OXR1: variants seen among roughly 807,000 people sequenced by gnomAD.
OXR1 encodes the protein oxidation resistance 1, also known as oxidation resistance protein 1.
A neutral mutation model predicts 104.6 loss-of-function variants in OXR1; 41 were observed. That is an observed-to-expected ratio of 0.39 (90% confidence interval 0.31 to 0.51). OXR1 has a LOEUF of 0.51. OXR1 is among the 20% of genes least tolerant of loss of function. OXR1 has a pLI of 0.77. For synonymous variants in OXR1, 348 were observed against 348.4 expected (o/e 1.00, Z 0.01); for missense variants, 955 against 1,031.9 (o/e 0.93, Z 1.02).
chr8:106,700,677 G>T (rs529836085), intron 7 of OXR1, among the ~76,000 whole-genome samples: 3 of 152,224 alleles, frequency 2.0e-5, no homozygotes, highest in African/African-American at 7.2e-5. Flanking sequence ...GGTATATAGA[G>T]AATTAAAAGC....
intron 3 of OXR1, among the ~76,000 whole-genome samples, chr8:106,564,496 C>T (rs1816929872): frequency 6.6e-6 from 1 of 151,912 alleles, no homozygotes; most frequent in African/African-American, 2.4e-5. Context: ...AATTAATAGC[C>T]TACCAACCAA....
At chr8:106,405,162 A>AG (rs765094364) in intron 2 of OXR1, among the ~76,000 whole-genome samples, 16,660 of 47,984 alleles carry the variant, frequency 0.35, 2,377 homozygotes, top group South Asian at 0.56. Context: ...ATATATATAT[A>AG]TATATATATA....
chr8:106,461,878 A>G (rs1207725991), intron 2 of OXR1, among the ~76,000 whole-genome samples: 2 of 152,214 alleles, frequency 1.3e-5, no homozygotes, highest in Non-Finnish European at 2.9e-5. Context: ...ATTATCATCT[A>G]TAAGAAACAT....
At position 106,504,671 on chromosome 8, in the gene OXR1, GATAA is replaced by G. The variant is rs199943233; in HGVS notation, c.24-14266_24-14263del. Among the ~76,000 whole-genome samples the G allele has an allele frequency of 7.3e-3, 1,116 of 152,258 alleles. 15 individuals carry two copies. The highest frequency in any genetic ancestry group is 0.026 in the African/African-American group (1,071 of 41,558). On this transcript the variant is annotated intron_variant, in intron 2 of 16. Transcript: ENST00000517566. ...AGATGTAAAAGCCTTCTAATCTAGA[GATAA>G]ATAAAGATTGTACTTTTTGTTATCA...
At chr8:106,370,658 T>C (rs933669313) in intron 2 of OXR1, among the ~76,000 whole-genome samples, 1 of 152,190 alleles carries the variant, frequency 6.6e-6, no homozygotes, top group African/African-American at 2.4e-5. Flanking sequence ...GAGGTAATCA[T>C]GTGATTTTGT....
intron 16 of OXR1, among the ~76,000 whole-genome samples, chr8:106,746,644 T>C (rs147022273): frequency 8.5e-5 from 13 of 152,366 alleles, no homozygotes; most frequent in Admixed American, 7.2e-4. Context: ...TATTCTATTA[T>C]TAACAAATTT....
At chr8:106,632,329 T>C (rs868484632) in intron 3 of OXR1, among the ~76,000 whole-genome samples, 9 of 152,356 alleles carry the variant, frequency 5.9e-5, no homozygotes, top group Middle Eastern at 3.4e-3. Context: ...ATATGGACAG[T>C]TTTTGGAAAA....
At chr8:106,376,921 T>A (rs1799365169) in intron 2 of OXR1, among the ~76,000 whole-genome samples, 2 of 152,210 alleles carry the variant, frequency 1.3e-5, no homozygotes, top group South Asian at 4.1e-4. Flanking sequence ...AATACAAGTA[T>A]CCCCTACATT....
At chr8:106,309,493 A>G (rs566179413) in intron 1 of OXR1, among the ~76,000 whole-genome samples, 23 of 152,246 alleles carry the variant, frequency 1.5e-4, no homozygotes, top group African/African-American at 5.1e-4. Context: ...TAGTGGACCT[A>G]TTATCAGTCA....
At chr8:106,431,927 A>G (rs1342487961) in intron 2 of OXR1, among the ~76,000 whole-genome samples, 2 of 152,200 alleles carry the variant, frequency 1.3e-5, no homozygotes, top group African/African-American at 4.8e-5. Context: ...TTTGTCTTAA[A>G]GAAATAAAAT....
At chr8:106,475,182 T>C (rs1286485242) in intron 2 of OXR1, among the ~76,000 whole-genome samples, 1 of 151,878 alleles carries the variant, frequency 6.6e-6, no homozygotes, top group Non-Finnish European at 1.5e-5. Context: ...CCCTTAAAAC[T>C]TAACTAATAG....
chr8:106,665,600 A>G (rs1826221462), intron 3 of OXR1, among the ~76,000 whole-genome samples: 1 of 152,174 alleles, frequency 6.6e-6, no homozygotes, highest in African/African-American at 2.4e-5. Context: ...GGTAGAAGAC[A>G]AGGGAAAGTA....
chr8:106,387,249 G>A (rs986293587), intron 2 of OXR1, among the ~76,000 whole-genome samples: 1 of 152,190 alleles, frequency 6.6e-6, no homozygotes, highest in Non-Finnish European at 1.5e-5. Context: ...GAAAAAGATT[G>A]CAAATATCAG....
intron 3 of OXR1, among the ~76,000 whole-genome samples, chr8:106,531,975 ACCCCTATATAAG>A (rs1338240183): frequency 6.6e-6 from 1 of 152,120 alleles, no homozygotes; most frequent in Non-Finnish European, 1.5e-5. Context: ...TTTCACCTCC[ACCCCTATATAAG>A]CCTGGGTAAA....
At chr8:106,488,508 T>C (rs1481174480) in intron 2 of OXR1, among the ~76,000 whole-genome samples, 2 of 152,196 alleles carry the variant, frequency 1.3e-5, no homozygotes, top group Non-Finnish European at 2.9e-5. Flanking sequence ...CATGGCTATG[T>C]CCTGAATGGT....
At chr8:106,638,801 G>A (rs551093774) in intron 3 of OXR1, among the ~76,000 whole-genome samples, 3 of 151,498 alleles carry the variant, frequency 2.0e-5, no homozygotes, top group African/African-American at 7.3e-5. Flanking sequence ...GCTGAGGCAG[G>A]AGAAATGCTT....
At chr8:106,329,403 A>G (rs1238691045) in intron 1 of OXR1, among the ~76,000 whole-genome samples, 3 of 147,398 alleles carry the variant, frequency 2.0e-5, no homozygotes, top group Non-Finnish European at 3.0e-5. Context: ...GCTGGAGTGC[A>G]GTGGTGTGAT....
intron 11 of OXR1, among the ~76,000 whole-genome samples, chr8:106,723,307 C>T (rs1023420909): frequency 6.6e-6 from 1 of 151,822 alleles, no homozygotes; most frequent in Non-Finnish European, 1.5e-5. Context: ...CTCGCTAACA[C>T]GGTGAAACCC....
intron 1 of OXR1, among the ~76,000 whole-genome samples, chr8:106,335,343 G>C (rs1159823308): frequency 6.6e-6 from 1 of 151,988 alleles, no homozygotes; most frequent in African/African-American, 2.4e-5. Flanking sequence ...CACTCACCTT[G>C]CCCGCTGAGT....
Sources: allele counts gnomAD v4.1 joint callset (sites outside exome capture counted in the v4.1 genomes callset), GRCh38; gene constraint gnomAD v4.1.1; transcripts MANE v1.5; gene names NCBI Gene and HGNC (gene_info 2026-07-23, HGNC 2026-07-21).